The following CYRIA variants were observed in gnomAD, a reference collection of about 807,000 sequenced individuals.
The protein encoded by CYRIA is CYFIP-related Rac1 interactor A.
Under a neutral mutation model 43.9 loss-of-function variants are expected in CYRIA, and 15 were observed. The ratio of observed to expected loss-of-function variants is 0.34; its 90% CI spans 0.23 to 0.53. The LOEUF (loss-of-function observed/expected upper bound fraction) is 0.53. CYRIA is among the 20% of genes least tolerant of loss of function. The pLI is 0.94. For synonymous variants in CYRIA, 117 were observed against 136.0 expected (o/e 0.86, Z 0.97); for missense variants, 236 against 394.2 (o/e 0.60, Z 3.40).
chr2:16,557,612 C>T (rs12710736), intron 10 of CYRIA, among the ~76,000 whole-genome samples: 79,905 of 151,990 alleles, frequency 0.53, 23,348 homozygotes, highest in African/African-American at 0.8. Context: ...TAGAGGTACA[C>T]GCAAACATCC....
chr2:16,560,001 T>C (rs1373586384), intron 9 of CYRIA, among the ~76,000 whole-genome samples: 1 of 152,144 alleles, frequency 6.6e-6, no homozygotes, highest in African/African-American at 2.4e-5. Flanking sequence ...CGGAGTAACT[T>C]CCTTTGTTAA....
At chr2:16,625,211 C>T (rs553196281) in intron 1 of CYRIA, among the ~76,000 whole-genome samples, 2 of 152,212 alleles carry the variant, frequency 1.3e-5, no homozygotes. Context: ...AGACTTCCTG[C>T]CAGGCTCCCA....
chr2:16,653,847 C>T (rs1005773320), intron 1 of CYRIA, among the ~76,000 whole-genome samples: 1 of 152,142 alleles, frequency 6.6e-6, no homozygotes, highest in Non-Finnish European at 1.5e-5. Context: ...TGTGATCCTG[C>T]GTAAATCACA....
chr2:16,553,080 C>G lies in CYRIA; in HGVS notation c.909-81G>C, dbSNP rs149978294. 5.0e-4 allele frequency: 433 copies of G among 871,668 alleles called. No individual in the cohort carries two copies. The African/African-American group carries it at 6.4e-3, about 13-fold the overall frequency. 54.0% of individuals were successfully genotyped at this position (871,668 alleles called of 1,614,324 possible). A position where few individuals can be genotyped will look rare whatever the true frequency, so the allele number is the denominator to read the frequency against. ...CAGCCCATCTTTACCTTCGGAAACA[C>G]AATTGATATTTGGGCTTATTTCTTT... On this transcript the variant is annotated intron_variant, in intron 11 of 11. Transcript: ENST00000381323.
intron 1 of CYRIA, among the ~76,000 whole-genome samples, chr2:16,651,818 A>T (rs1166076261): frequency 6.6e-6 from 1 of 152,288 alleles, no homozygotes; most frequent in African/African-American, 2.4e-5. Context: ...AAAAACTTGT[A>T]ATATGCAGTT....
chr2:16,654,976 T>G (rs1171957870), intron 1 of CYRIA, among the ~76,000 whole-genome samples: 1 of 152,230 alleles, frequency 6.6e-6, no homozygotes, highest in Non-Finnish European at 1.5e-5. Flanking sequence ...TTCCTGAATC[T>G]GAGGTTTAAC....
intron 3 of CYRIA, among the ~76,000 whole-genome samples, chr2:16,572,685 A>T (rs1667178919): frequency 6.6e-6 from 1 of 152,214 alleles, no homozygotes; most frequent in Admixed American, 6.5e-5. Flanking sequence ...TTTTAAGAGT[A>T]CAATGATTTG....
intron 1 of CYRIA, among the ~76,000 whole-genome samples, chr2:16,641,884 C>T (rs1223810438): frequency 6.6e-6 from 1 of 152,204 alleles, no homozygotes; most frequent in Non-Finnish European, 1.5e-5. Context: ...CTTTATTAAA[C>T]CCATTAGCAA....
At chr2:16,575,725 G>A (rs577552999) in intron 3 of CYRIA, among the ~76,000 whole-genome samples, 26 of 151,966 alleles carry the variant, frequency 1.7e-4, no homozygotes, top group East Asian at 7.7e-4. Flanking sequence ...GCGTGATGGC[G>A]GGCGCCTGTA....
At chr2:16,634,741 G>T (rs1405551660) in intron 1 of CYRIA, among the ~76,000 whole-genome samples, 1 of 152,188 alleles carries the variant, frequency 6.6e-6, no homozygotes, top group Non-Finnish European at 1.5e-5. Flanking sequence ...GGACTTGGGG[G>T]CATTCTGAGC....
intron 1 of CYRIA, among the ~76,000 whole-genome samples, chr2:16,644,483 C>T (rs916007525): frequency 3.3e-5 from 5 of 152,172 alleles, no homozygotes; most frequent in African/African-American, 1.2e-4. Context: ...TTGCCATGTC[C>T]ACCCATGAGC....
At chr2:16,604,130 CCTT>C (rs1459717373) in intron 2 of CYRIA, among the ~76,000 whole-genome samples, 2 of 152,194 alleles carry the variant, frequency 1.3e-5, no homozygotes, top group Admixed American at 1.3e-4. Context: ...TTAAGTCTGA[CCTT>C]CTAGCTACTA....
chr2:16,574,033 AC>A (rs1667235725), intron 3 of CYRIA, among the ~76,000 whole-genome samples: 1 of 152,114 alleles, frequency 6.6e-6, no homozygotes, highest in African/African-American at 2.4e-5. Flanking sequence ...AAAGTTTAGA[AC>A]TCCCTAGAGA....
intron 1 of CYRIA, among the ~76,000 whole-genome samples, chr2:16,651,671 C>T (rs1009015628): frequency 2.0e-5 from 3 of 152,314 alleles, no homozygotes; most frequent in Admixed American, 2.0e-4. Flanking sequence ...GGAAGATTAG[C>T]TCCACTGGAG....
chr2:16,665,511 G>A (rs1191474498), intron 1 of CYRIA, among the ~76,000 whole-genome samples: 1 of 152,052 alleles, frequency 6.6e-6, no homozygotes, highest in Non-Finnish European at 1.5e-5. Context: ...TCTGGGAAAG[G>A]AACACAATCA....
intron 2 of CYRIA, among the ~76,000 whole-genome samples, chr2:16,616,559 A>G (rs1480032361): frequency 2.0e-5 from 3 of 152,200 alleles, no homozygotes; most frequent in Non-Finnish European, 4.4e-5. Flanking sequence ...AGATGGTGTC[A>G]CACACTAGGG....
Position 16,549,681 on chromosome 2 carries a change from T to C in CYRIA, c.*3255A>G, listed in dbSNP as rs1003182579. On this transcript the variant is annotated 3_prime_UTR_variant, in exon 12 of 12. Transcript: ENST00000381323. ...AAAATTCCAATGTTTATTACTAACA[T>C]TTAAAAAATATTTGTAGCTGCATAG... 4 of 152,158 alleles carry C rather than the reference T, an allele frequency of 2.6e-5. No homozygotes were observed. The highest frequency in any genetic ancestry group is 9.6e-5 in the African/African-American group (4 of 41,466). The allele number at this position is 152,158 out of a possible 1,614,324, so 9.4% of individuals were successfully genotyped here.
intron 2 of CYRIA, among the ~76,000 whole-genome samples, chr2:16,613,424 T>G (rs1668671090): frequency 6.6e-6 from 1 of 152,176 alleles, no homozygotes; most frequent in African/African-American, 2.4e-5. Flanking sequence ...AATCAAATTC[T>G]CATGATCCGA....
chr2:16,604,142 T>G (rs1309179849), intron 2 of CYRIA, among the ~76,000 whole-genome samples: 1 of 152,198 alleles, frequency 6.6e-6, no homozygotes, highest in Non-Finnish European at 1.5e-5. Context: ...TTCTAGCTAC[T>G]ATGGGGCCCC....
Sources: gnomAD v4.1 joint callset for allele counts (sites outside exome capture counted in the v4.1 genomes callset) on GRCh38, gnomAD v4.1.1 for gene constraint, MANE v1.5 for transcripts, NCBI Gene and HGNC (gene_info 2026-07-23, HGNC 2026-07-21) for gene names.